SLC25A26: variants seen among roughly 807,000 people sequenced by gnomAD.
SLC25A26 encodes mitochondrial S-adenosylmethionine carrier protein.
A neutral mutation model predicts 37.8 loss-of-function variants in SLC25A26; 36 were observed. The ratio of observed to expected loss-of-function variants is 0.95; its 90% CI spans 0.73 to 1.26. The LOEUF (loss-of-function observed/expected upper bound fraction) is 1.26, where lower values mean the gene tolerates loss of function less well. Ranked by LOEUF, SLC25A26 falls within the 50% of genes most tolerant of loss-of-function variation. SLC25A26 has a pLI of 0.00. For missense variants in SLC25A26, 390 were observed against 331.1 expected (o/e 1.18, Z -1.38); for synonymous variants, 129 against 122.5 (o/e 1.05, Z -0.35).
chr3:66,281,996 ATTTTTTTTTTTT>A (rs71105977), intron 5 of SLC25A26, among the ~76,000 whole-genome samples: 2 of 64,512 alleles, frequency 3.1e-5, no homozygotes, highest in East Asian at 7.7e-4. Context: ...CTGATTTTGC[ATTTTTTTTTTTT>A]TTTTTTTTTT....
At chr3:66,253,030 C>A (rs1328015434) in intron 3 of SLC25A26, among the ~76,000 whole-genome samples, 2 of 147,970 alleles carry the variant, frequency 1.4e-5, no homozygotes, top group African/African-American at 5.1e-5. Flanking sequence ...AATGCCCCCC[C>A]CCCCCCATAA....
At chr3:66,184,466 GA>G (rs1316381179) in intron 1 of SLC25A26, among the ~76,000 whole-genome samples, 2 of 149,982 alleles carry the variant, frequency 1.3e-5, no homozygotes, top group African/African-American at 4.9e-5. Context: ...TCATCACTAT[GA>G]CCTTGAAAAG....
intron 6 of SLC25A26, among the ~76,000 whole-genome samples, chr3:66,350,625 A>C (rs1276548495): frequency 6.6e-6 from 1 of 152,022 alleles, no homozygotes; most frequent in East Asian, 1.9e-4. Context: ...TAAAACATTA[A>C]GTTCTTGGCA....
At chr3:66,244,067 G>T (rs1038929481) in intron 3 of SLC25A26, among the ~76,000 whole-genome samples, 1 of 152,128 alleles carries the variant, frequency 6.6e-6, no homozygotes, top group African/African-American at 2.4e-5. Context: ...AGATGGAGAA[G>T]CAACAGCCCT....
At chr3:66,356,757 T>C (rs2076585822) in intron 6 of SLC25A26, among the ~76,000 whole-genome samples, 1 of 152,150 alleles carries the variant, frequency 6.6e-6, no homozygotes, top group Admixed American at 6.6e-5. Flanking sequence ...GCCTCCCTAG[T>C]AGCTGGGACT....
intron 1 of SLC25A26, among the ~76,000 whole-genome samples, chr3:66,144,234 G>GATTGCAAT (rs1312175323): frequency 1.3e-5 from 2 of 152,258 alleles, no homozygotes; most frequent in Admixed American, 6.5e-5. Context: ...AAGACTGCAA[G>GATTGCAAT]CCTGCAAGTT....
chr3:66,151,001 C>T lies in SLC25A26; in HGVS notation c.-354+17017C>T, dbSNP rs138219420. On this transcript the variant is annotated intron_variant, in intron 1 of 10. Coordinates refer to the SLC25A26 transcript ENST00000676754. ...ACTGTGCTATGTACTTACATAGTCA[C>T]GTTCTAATGCCACACCGGGAAGCAG... Among the ~76,000 whole-genome samples, 81 of 151,998 alleles carry T rather than the reference C, an allele frequency of 5.3e-4. 1 individual carries two copies. In the East Asian group the frequency reaches 0.015, roughly 29 times the overall value.
chr3:66,308,282 T>A (rs1454642296), intron 5 of SLC25A26, among the ~76,000 whole-genome samples: 1 of 152,230 alleles, frequency 6.6e-6, no homozygotes, highest in Non-Finnish European at 1.5e-5. Flanking sequence ...GGGCGTTCAC[T>A]CATGATTTGG....
intron 5 of SLC25A26, among the ~76,000 whole-genome samples, chr3:66,328,599 T>C (rs1185158889): frequency 1.3e-5 from 2 of 152,214 alleles, no homozygotes; most frequent in South Asian, 2.1e-4. Flanking sequence ...GCTAAAGTCA[T>C]CTATATTAAA....
At chr3:66,195,646 C>A (rs2071034144) in intron 1 of SLC25A26, among the ~76,000 whole-genome samples, 1 of 152,178 alleles carries the variant, frequency 6.6e-6, no homozygotes, top group African/African-American at 2.4e-5. Flanking sequence ...GCGTCTCCAT[C>A]TTCTGGTTGT....
intron 5 of SLC25A26, among the ~76,000 whole-genome samples, chr3:66,282,303 G>T (rs990950254): frequency 1.3e-5 from 2 of 152,052 alleles, no homozygotes; most frequent in Non-Finnish European, 2.9e-5. Flanking sequence ...GAGCCACCGC[G>T]CCCGGCCTGA....
intron 1 of SLC25A26, among the ~76,000 whole-genome samples, chr3:66,142,800 G>A (rs757816774): frequency 6.6e-6 from 1 of 152,074 alleles, no homozygotes; most frequent in Non-Finnish European, 1.5e-5. Context: ...GTCTGCCTCT[G>A]TCACCCAGGC....
intron 5 of SLC25A26, among the ~76,000 whole-genome samples, chr3:66,299,434 C>T (rs2075006796): frequency 6.6e-6 from 1 of 152,142 alleles, no homozygotes; most frequent in African/African-American, 2.4e-5. Context: ...AAGTGATCTG[C>T]TCACCTCAGC....
At chr3:66,167,466 G>C (rs1481433346) in intron 1 of SLC25A26, among the ~76,000 whole-genome samples, 1 of 152,222 alleles carries the variant, frequency 6.6e-6, no homozygotes, top group African/African-American at 2.4e-5. Context: ...AGCCAGACCT[G>C]AATGCATCAC....
chr3:66,264,059 C>G (rs1006244342), intron 5 of SLC25A26, among the ~76,000 whole-genome samples: 2 of 152,114 alleles, frequency 1.3e-5, no homozygotes, highest in African/African-American at 4.8e-5. Context: ...GCAGAAAGAT[C>G]ACCTGAGGCA....
intron 1 of SLC25A26, among the ~76,000 whole-genome samples, chr3:66,232,934 G>A (rs2072102037): frequency 6.6e-6 from 1 of 152,242 alleles, no homozygotes; most frequent in South Asian, 2.1e-4. Context: ...AGAAAGCAGA[G>A]GTGGCAGTTC....
At chr3:66,291,135 G>T (rs1467059189) in intron 5 of SLC25A26, among the ~76,000 whole-genome samples, 1 of 152,134 alleles carries the variant, frequency 6.6e-6, no homozygotes, top group African/African-American at 2.4e-5. Context: ...ATAGTAGTTT[G>T]TATTTCTGTG....
chr3:66,347,277 G>GA (rs1239116567), intron 6 of SLC25A26, among the ~76,000 whole-genome samples: 2 of 151,914 alleles, frequency 1.3e-5, no homozygotes, highest in African/African-American at 2.4e-5. Flanking sequence ...GAATTTACAA[G>GA]AAAAAAACAA....
intron 1 of SLC25A26, among the ~76,000 whole-genome samples, chr3:66,161,143 A>G (rs2070352601): frequency 6.6e-6 from 1 of 151,078 alleles, no homozygotes; most frequent in Non-Finnish European, 1.5e-5. Flanking sequence ...AAAGGATTCA[A>G]TTTTTCGGTT....
Sources: allele counts gnomAD v4.1 joint callset (sites outside exome capture counted in the v4.1 genomes callset), GRCh38; gene constraint gnomAD v4.1.1; transcripts MANE v1.5; gene names NCBI Gene and HGNC (gene_info 2026-07-23, HGNC 2026-07-21).